The following FBN3 variants were observed in gnomAD, a reference collection of about 807,000 sequenced individuals.
The protein encoded by FBN3 is fibrillin-3.
A neutral mutation model predicts 330.1 loss-of-function variants in FBN3; 234 were observed. That is an observed-to-expected ratio of 0.71 (90% confidence interval 0.64 to 0.79). The LOEUF is 0.79. Among genes scored for constraint, FBN3 ranks in the 30% least tolerant of loss-of-function variants. The pLI is 0.00. For synonymous variants in FBN3, 1,458 were observed against 1,517.3 expected (o/e 0.96, Z 0.91); for missense variants, 3,606 against 3,886.9 (o/e 0.93, Z 1.92).
At chr19:8,145,463 G>A (rs1415512137) in intron 5 of FBN3, among the ~76,000 whole-genome samples, 3 of 151,016 alleles carry the variant, frequency 2.0e-5, no homozygotes, top group African/African-American at 7.3e-5. Context: ...GGCGGATCAC[G>A]AGGTCAGGAG....
In FBN3 at chr19:8,072,161, G is replaced by A; in HGVS notation, c.7975C>T (p.Gln2659Ter). Residue 2659 changes from glutamine (Q) to a stop codon, truncating the protein, a stop_gained, in exon 63 of 64, where the codon CAG becomes TAG. Coordinates refer to ENST00000600128, the MANE Select transcript of FBN3 (RefSeq NM_032447.5). LOFTEE classifies it high-confidence loss of function. ...AGCTCCTCTTTGTCCGGGGTGTCCTGGGGTCCGGGGCTGAAGCCCAGGCCG... is the reference window on the plus strand; with the variant it reads ...AGCTCCTCTTTGTCCGGGGTGTCCTAGGGTCCGGGGCTGAAGCCCAGGCCG... ...VSGLGFSPGP[Q>*]DTPDKEELLS... is the part of the protein sequence containing the mutation. 6.3e-7 allele frequency: 1 copy of A among 1,592,952 alleles called. No individual in the cohort carries two copies.
At chr19:8,088,221 C>T in intron 51 of FBN3, 42 bp from the exon 52 acceptor site, 1 of 1,547,492 alleles carries the variant, frequency 6.5e-7, no homozygotes, top group Non-Finnish European at 8.7e-7. Context: ...GCAGAGGGTC[C>T]CCCATCCTCA....
chr19:8,130,609 A>AAGGAAGGAAGG (rs2083108784), intron 16 of FBN3, among the ~76,000 whole-genome samples: 2 of 11,920 alleles, frequency 1.7e-4, no homozygotes, highest in Non-Finnish European at 3.5e-4. Context: ...AGAAAGAAAG[A>AAGGAAGGAAGG]AAGAAAGAAA....
chr19:8,141,236 G>C (rs374201818), intron 8 of FBN3, among the ~76,000 whole-genome samples: 3 of 149,576 alleles, frequency 2.0e-5, no homozygotes, highest in Non-Finnish European at 4.4e-5. Context: ...GCGTGGTGGC[G>C]TGCGCCTGTA....
At chr19:8,095,889 G>A in intron 45 of FBN3, 75 bp downstream of exon 45, 1 of 915,602 alleles carries the variant, frequency 1.1e-6, no homozygotes, top group Non-Finnish European at 1.8e-6. Context: ...ATCTTTCTGT[G>A]GCCAATTTCT....
intron 40 of FBN3, among the ~76,000 whole-genome samples, chr19:8,102,222 A>ATT (rs34859984): frequency 3.6e-4 from 53 of 146,008 alleles, no homozygotes; most frequent in Non-Finnish European, 3.9e-4. Context: ...TTATTTTTTT[A>ATT]TTTTTTTTTT....
rs1017948188 is a variant in FBN3 at position 8,097,713 on chromosome 19, G to A, written c.5162-299C>T. Among the ~76,000 whole-genome samples the A allele has an allele frequency of 3.9e-5, 6 of 152,164 alleles. No homozygotes were observed. The South Asian group carries it at 6.2e-4, about 16-fold the overall frequency. The stretch of plus-strand genomic sequence containing the variant: ...TGGCCTTAAGCGTAAGCAGGACAGC[G>A]GTATGAGATGCTATTTAGCAAGAAA... On this transcript the variant is annotated intron_variant, in intron 41 of 63. Coordinates refer to ENST00000600128, the MANE Select transcript of FBN3 (RefSeq NM_032447.5).
intron 30 of FBN3, 105 bp from the exon 31 acceptor site, chr19:8,112,204 G>T (rs962004316): frequency 2.5e-5 from 31 of 1,217,168 alleles, no homozygotes; most frequent in Non-Finnish European, 3.5e-5. Flanking sequence ...GGGAGAGCTG[G>T]CCCAGAAAGC....
At position 8,123,767 on chromosome 19, in the gene FBN3, C is replaced by T. The variant is rs1444933355; in HGVS notation, c.2956+17G>A. 1 of 1,612,312 alleles carries T rather than the reference C, an allele frequency of 6.2e-7. No individual in the cohort carries two copies. Among genetic ancestry groups the T allele is most frequent in the African/African-American group, 1.3e-5 (1 of 74,910 alleles). ...CTCCCCATCCTTCCAGGGGCCTGAC[C>T]CCTTCCCCAACCGCACCTTTATAGA... On this transcript the variant is annotated intron_variant, in intron 23 of 63. Coordinates refer to ENST00000600128, the MANE Select transcript of FBN3 (RefSeq NM_032447.5).
chr19:8,083,382 A>T lies in FBN3; in HGVS notation c.7088-10T>A. 6.2e-7 allele frequency: 1 copy of T among 1,613,750 alleles called. No individual in the cohort carries two copies. The highest frequency in any genetic ancestry group is 1.1e-5 in the South Asian group (1 of 91,090). On this transcript the variant is annotated splice_polypyrimidine_tract_variant and intron_variant, in intron 56 of 63. Coordinates refer to ENST00000600128, the MANE Select transcript of FBN3 (RefSeq NM_032447.5). ...CGGCATTCATCTACATCTGGGAAAA[A>T]GTAGGGTGCAAATGGGGCTGGCTGG...
chr19:8,088,090 A>C lies in FBN3; in HGVS notation c.6466T>G (p.Phe2156Val). Residue 2156 changes from phenylalanine to valine, a missense_variant, in exon 52 of 64, where the codon TTT becomes GTT. Transcript: ENST00000600128. ...GGFECACADG[F>V]EPGLMMTCED... ...CAGGTCATCATGAGGCCAGGCTCAA[A>C]GCCGTCAGCACAGGCACATTCGAAG... The C allele has an allele frequency of 1.2e-6, 2 of 1,614,112 alleles. No individual in the cohort carries two copies. Among genetic ancestry groups the C allele is most frequent in the Non-Finnish European group, 1.7e-6 (2 of 1,180,024 alleles).
Position 8,087,838 on chromosome 19 carries a change from C to G in FBN3, c.6606G>C (p.Gly2202=). The G allele has an allele frequency of 1.2e-6, 2 of 1,613,990 alleles. No individual in the cohort carries two copies. Among genetic ancestry groups the G allele is most frequent in the South Asian group, 2.2e-5 (2 of 91,082 alleles). The change falls in exon 53 of 64, where the codon GGG becomes GGC. Residue 2202 remains glycine (G), a synonymous_variant. Coordinates refer to ENST00000600128, the MANE Select transcript of FBN3 (RefSeq NM_032447.5). ...AGTCAGGCCTACCTCGACACATGGC[C>G]CCATCCTCCCGCAGGGTGTAGCCGG... ...CPAGYTLRED[G]AMCRDVDECA...
At position 8,095,986 on chromosome 19, in the gene FBN3, C is replaced by T; in HGVS notation, c.5634G>A (p.Val1878=). 6.2e-7 allele frequency: 1 copy of T among 1,613,328 alleles called. No homozygotes were observed. Among genetic ancestry groups the T allele is most frequent in the Non-Finnish European group, 8.5e-7 (1 of 1,179,282 alleles). The part of the protein sequence containing the change: ...YNCLCFPGFV[V]THNGDCVDFD... The stretch of plus-strand genomic sequence containing the variant: ...CACCCACACAATCCCCATTGTGTGT[C>T]ACCACAAAGCCAGGGAAGCAGAGGC... The change falls in exon 45 of 64, where the codon GTG becomes GTA. Residue 1878 remains valine, a synonymous_variant. Coordinates refer to ENST00000600128, the MANE Select transcript of FBN3 (RefSeq NM_032447.5).
chr19:8,115,791 C>T (rs2082693168), intron 29 of FBN3, 151 bp from the exon 30 acceptor site: 9 of 852,196 alleles, frequency 1.1e-5, no homozygotes, highest in South Asian at 1.7e-5. Flanking sequence ...TCTCCAGGGG[C>T]GGGGAGCTCC....
chr19:8,143,640 ACCACAC>A (rs1015939411), intron 6 of FBN3, among the ~76,000 whole-genome samples: 1 of 150,958 alleles, frequency 6.6e-6, no homozygotes, highest in African/African-American at 2.4e-5. Flanking sequence ...GGCACGCGCT[ACCACAC>A]CCAGTTACAT....
Position 8,066,047 on chromosome 19 carries a change from G to A in FBN3, c.8302C>T (p.Pro2768Ser), listed in dbSNP as rs1221993192. 3 of 1,613,190 alleles carry A rather than the reference G, an allele frequency of 1.9e-6. No homozygotes were observed. The highest frequency in any genetic ancestry group is 2.5e-6 in the Non-Finnish European group (3 of 1,179,984). Residue 2768 changes from proline (P) to serine (S), a missense_variant, in exon 64 of 64, where the codon CCG (proline) becomes TCG (serine). Pro to Ser is a moderately conservative substitution (Grantham distance 74). Coordinates refer to ENST00000600128, the MANE Select transcript of FBN3 (RefSeq NM_032447.5). ...VSSLQLGRRR[P>S]GPGTYRLEVV... is the part of the protein sequence containing the mutation. ...TCCAGCCGGTAGGTTCCAGGCCCCG[G>A]CCGCCTCCGCCCCAGCTGCAGGGAG...
intron 57 of FBN3, 58 bp downstream of exon 57, chr19:8,083,189 G>C (rs2081847116): frequency 6.2e-7 from 1 of 1,601,796 alleles, no homozygotes; most frequent in Non-Finnish European, 8.5e-7. Flanking sequence ...GAGTTCAGGG[G>C]CTGCACAGAA....
intron 13 of FBN3, among the ~76,000 whole-genome samples, chr19:8,135,497 C>T (rs2083257044): frequency 3.1e-5 from 2 of 64,168 alleles, no homozygotes; most frequent in Non-Finnish European, 5.2e-5. Context: ...AGGCTGGTCT[C>T]GAACTCCTGA....
chr19:8,109,743 C>G lies in FBN3; in HGVS notation c.4344G>C (p.Glu1448Asp). The change falls in exon 35 of 64, where the codon GAG (glutamate) becomes GAC (aspartate). Residue 1448 changes from glutamate (E) to aspartate (D), a missense_variant. Transcript: ENST00000600128. The surrounding 1 kb of genome is among the most constrained non-coding windows in gnomAD (Gnocchi z 5.2). ...RGGGNCTDINECADPVNCING... is the reference protein window; with the variant it reads ...RGGGNCTDINDCADPVNCING... ...TGATGCAGTTTACTGGGTCTGCACACTCGTTGATGTCTGTAGGGAGGAAGC... is the reference window on the plus strand; with the variant it reads ...TGATGCAGTTTACTGGGTCTGCACAGTCGTTGATGTCTGTAGGGAGGAAGC... 6.6e-7 allele frequency: 1 copy of G among 1,517,680 alleles called. No individual in the cohort carries two copies. The highest frequency in any genetic ancestry group is 8.8e-7 in the Non-Finnish European group (1 of 1,132,714). The allele number at this position is 1,517,680 out of a possible 1,614,324, so 94.0% of individuals were successfully genotyped here.
Sources: gnomAD v4.1 joint callset for allele counts (sites outside exome capture counted in the v4.1 genomes callset) on GRCh38, gnomAD v4.1.1 for gene constraint, Gnocchi (gnomAD v3.1) non-coding constraint, MANE v1.5 for transcripts, NCBI Gene and HGNC (gene_info 2026-07-23, HGNC 2026-07-21) for gene names.